Variants in DNAJC3 observed in about 807,000 individuals in gnomAD.
DNAJC3 encodes dnaJ homolog subfamily C member 3.
In DNAJC3, 38 loss-of-function variants were observed where a neutral mutation model predicts 68.6. The observed-to-expected ratio is 0.55, with a 90% confidence interval of 0.43 to 0.73. DNAJC3 has a LOEUF of 0.73. Among genes scored for constraint, DNAJC3 ranks in the 30% least tolerant of loss-of-function variants. The pLI is 0.00. For missense variants in DNAJC3, 526 were observed against 591.9 expected, an observed-to-expected ratio of 0.89 and a Z score of 1.16; for synonymous variants, 203 against 204.0, an observed-to-expected ratio of 1.00 and a Z score of 0.04.
At chr13:95,710,202 A>G (rs1880910800) in intron 2 of DNAJC3, among the ~76,000 whole-genome samples, 1 of 150,772 alleles carries the variant, frequency 6.6e-6, no homozygotes, top group African/African-American at 2.4e-5. Flanking sequence ...TTCTTAGTGA[A>G]GGCTTAATGG....
At chr13:95,782,573 CAT>C (rs1367199288) in intron 9 of DNAJC3, among the ~76,000 whole-genome samples, 2 of 152,080 alleles carry the variant, frequency 1.3e-5, no homozygotes, top group East Asian at 1.9e-4. Context: ...AGCTTTTTTT[CAT>C]ATGTCTGTTG....
chr13:95,766,698 AT>A (rs777691887), intron 9 of DNAJC3, among the ~76,000 whole-genome samples: 228 of 142,892 alleles, frequency 1.6e-3, no homozygotes, highest in East Asian at 5.8e-3. Flanking sequence ...CAGTTATTCT[AT>A]TTTTTTTTTT....
intron 4 of DNAJC3, among the ~76,000 whole-genome samples, chr13:95,740,357 C>T (rs1882089486): frequency 6.6e-6 from 1 of 152,250 alleles, no homozygotes; most frequent in African/African-American, 2.4e-5. Flanking sequence ...AGCTTCCCGG[C>T]TGCTTTGTTT....
intron 2 of DNAJC3, among the ~76,000 whole-genome samples, chr13:95,722,864 A>G (rs912343692): frequency 1.6e-5 from 2 of 124,772 alleles, no homozygotes; most frequent in African/African-American, 6.0e-5. Flanking sequence ...TAAGTTGAAT[A>G]TAGTTAATAT....
intron 9 of DNAJC3, among the ~76,000 whole-genome samples, chr13:95,780,040 T>G (rs1215186607): frequency 6.6e-6 from 1 of 152,196 alleles, no homozygotes; most frequent in Non-Finnish European, 1.5e-5. Context: ...TAAGGCGTGC[T>G]GGGGCCAGGG....
At chr13:95,694,830 T>A (rs1880386110) in intron 1 of DNAJC3, 1 of 152,648 alleles carries the variant, frequency 6.6e-6, no homozygotes, top group Non-Finnish European at 1.5e-5. Context: ...TAACGGTGCT[T>A]CAATATTCTT....
chr13:95,700,476 C>A (rs1880555660), intron 1 of DNAJC3, among the ~76,000 whole-genome samples: 1 of 152,102 alleles, frequency 6.6e-6, no homozygotes, highest in South Asian at 2.1e-4. Context: ...ATTCCTTATA[C>A]CAAGAGGTCC....
intron 5 of DNAJC3, 56 bp from the exon 6 acceptor site, chr13:95,759,984 A>G: frequency 1.4e-6 from 2 of 1,464,642 alleles, no homozygotes; most frequent in Admixed American, 2.3e-5. Context: ...GTGGAATGCA[A>G]CAATGAATGT....
In DNAJC3 at chr13:95,794,400, T is replaced by C. The variant is rs1883898354; in HGVS notation, c.*3370T>C. 2 of 152,224 alleles carry C rather than the reference T, an allele frequency of 1.3e-5. No homozygotes were observed. The highest frequency in any genetic ancestry group is 4.1e-4 in the South Asian group (2 of 4,832). 9.4% of individuals were successfully genotyped at this position (152,224 alleles called of 1,614,324 possible). A position where few individuals can be genotyped will look rare whatever the true frequency, so the allele number is the denominator to read the frequency against. The stretch of plus-strand genomic sequence containing the variant: ...CCCTGGTGATGGGCGTTGCAAAGTT[T>C]TCACTGAGCACACAGCAATGGTATC... On this transcript the variant is annotated 3_prime_UTR_variant, in exon 12 of 12. Coordinates refer to ENST00000602402, the MANE Select transcript of DNAJC3 (RefSeq NM_006260.5).
rs547681449 is a variant in DNAJC3 at position 95,792,859 on chromosome 13, C to T, written c.*1829C>T. 2.0e-5 allele frequency: 3 copies of T among 152,256 alleles called. No individual in the cohort carries two copies. The South Asian group carries it at 6.2e-4, about 32-fold the overall frequency. 9.4% of individuals were successfully genotyped at this position (152,256 alleles called of 1,614,324 possible). A position where few individuals can be genotyped will look rare whatever the true frequency, so the allele number is the denominator to read the frequency against. ...CCTTTTGTATATGATGTCACTGTGA[C>T]CTCTTTGAAATATAGTGATGGCTTT... On this transcript the variant is annotated 3_prime_UTR_variant, in exon 12 of 12. Transcript: ENST00000602402.
intron 9 of DNAJC3, among the ~76,000 whole-genome samples, chr13:95,785,604 G>A (rs543938205): frequency 5.3e-5 from 8 of 150,826 alleles, no homozygotes; most frequent in East Asian, 3.9e-4. Context: ...GACTACAGGC[G>A]TGCACCACCA....
At chr13:95,688,706 T>C (rs1880135187) in intron 1 of DNAJC3, among the ~76,000 whole-genome samples, 2 of 152,042 alleles carry the variant, frequency 1.3e-5, no homozygotes, top group African/African-American at 4.8e-5. Context: ...GGTTTTGCCA[T>C]GTTGGCCGGG....
chr13:95,723,795 G>A (rs1209884960), intron 3 of DNAJC3, among the ~76,000 whole-genome samples: 1 of 152,222 alleles, frequency 6.6e-6, no homozygotes, highest in East Asian at 1.9e-4. Context: ...ACAATAAAAT[G>A]CTAAATTAGC....
Position 95,793,740 on chromosome 13 carries a change from G to A in DNAJC3, c.*2710G>A, listed in dbSNP as rs1026617508. 1 of 152,412 alleles carries A rather than the reference G, an allele frequency of 6.6e-6. No individual in the cohort carries two copies. Among genetic ancestry groups the A allele is most frequent in the Non-Finnish European group, 1.5e-5 (1 of 68,282 alleles). 9.4% of individuals were successfully genotyped at this position (152,412 alleles called of 1,614,324 possible). On this transcript the variant is annotated 3_prime_UTR_variant, in exon 12 of 12. Coordinates refer to ENST00000602402, the MANE Select transcript of DNAJC3 (RefSeq NM_006260.5). ...GCCTTCCAAAGTGTTGGGATTACAG[G>A]CGTGAGCCACTGCGCCTGGCCATCA...
intron 4 of DNAJC3, among the ~76,000 whole-genome samples, chr13:95,736,146 A>G (rs1396792673): frequency 6.6e-6 from 1 of 151,972 alleles, no homozygotes; most frequent in Non-Finnish European, 1.5e-5. Context: ...ATGCGGCGTT[A>G]TTTCTGAGGG....
chr13:95,765,337 A>G (rs1373576957), intron 9 of DNAJC3, among the ~76,000 whole-genome samples: 1 of 151,600 alleles, frequency 6.6e-6, no homozygotes, highest in Admixed American at 6.6e-5. Flanking sequence ...TACTTTTGTC[A>G]TCTGTATGTA....
rs141959286 is a variant in DNAJC3, at chr13:95,769,730, G to A, written c.1075+5777G>A. Among the ~76,000 whole-genome samples, 329 of 152,204 alleles carry A rather than the reference G, an allele frequency of 2.2e-3. 5 individuals carry two copies. The highest frequency in any genetic ancestry group is 7.5e-3 in the African/African-American group (313 of 41,502). Reference sequence around the variant, plus strand: ...ATGCTTGCAGTTTTTATTCACACTCGGGCCTCTCAGCCACAGCTGCAGACT... The same window carrying A: ...ATGCTTGCAGTTTTTATTCACACTCAGGCCTCTCAGCCACAGCTGCAGACT... On this transcript the variant is annotated intron_variant, in intron 9 of 11. Transcript: ENST00000602402.
chr13:95,678,047 T>C (rs1291548723), intron 1 of DNAJC3, among the ~76,000 whole-genome samples: 2 of 152,204 alleles, frequency 1.3e-5, no homozygotes, highest in Admixed American at 6.5e-5. Flanking sequence ...ATACGAACGA[T>C]TAAATTTCAC....
chr13:95,688,927 G>GGTGGGTGTGTGT (rs1555321770), intron 1 of DNAJC3, among the ~76,000 whole-genome samples: 1 of 129,670 alleles, frequency 7.7e-6, no homozygotes, highest in African/African-American at 3.1e-5. Context: ...TGATTGTGTG[G>GGTGGGTGTGTGT]GTGTGTGTGT....
Sources: allele counts gnomAD v4.1 joint callset (sites outside exome capture counted in the v4.1 genomes callset), GRCh38; gene constraint gnomAD v4.1.1; transcripts MANE v1.5; gene names NCBI Gene and HGNC (gene_info 2026-07-23, HGNC 2026-07-21).